TIAM1: variants seen among roughly 807,000 people sequenced by gnomAD.
TIAM1 encodes TIAM Rac1 associated GEF 1.
A neutral mutation model predicts 163.5 loss-of-function variants in TIAM1; 65 were observed. The observed-to-expected ratio is 0.40, with a 90% CI of 0.33 to 0.49. The LOEUF (loss-of-function observed/expected upper bound fraction) is 0.49, where lower values mean the gene tolerates loss of function less well. Ranked by LOEUF, TIAM1 falls within the 20% of genes least tolerant of loss-of-function variation. The pLI, the probability that TIAM1 is intolerant of heterozygous loss-of-function variation, is 0.77. For missense variants in TIAM1, 1,789 were observed against 2,044.7 expected (o/e 0.87, Z 2.41); for synonymous variants, 833 against 810.1 (o/e 1.03, Z -0.48).
intron 2 of TIAM1, among the ~76,000 whole-genome samples, chr21:31,442,047 C>A (rs2044436263): frequency 1.7e-5 from 1 of 58,894 alleles, no homozygotes; most frequent in Non-Finnish European, 3.2e-5. Context: ...TGAAATGAGA[C>A]CCTATCTCAG....
At chr21:31,496,141 A>T (rs2046632833) in intron 1 of TIAM1, among the ~76,000 whole-genome samples, 3 of 152,176 alleles carry the variant, frequency 2.0e-5, no homozygotes, top group African/African-American at 2.4e-5. Context: ...AAAGTTAAAA[A>T]AATAAAATAA....
chr21:31,257,793 T>C (rs2072199732), intron 4 of TIAM1, among the ~76,000 whole-genome samples: 1 of 151,896 alleles, frequency 6.6e-6, no homozygotes, highest in Non-Finnish European at 1.5e-5. Flanking sequence ...TCCCAACCTT[T>C]CTCACTCCCA....
intron 2 of TIAM1, among the ~76,000 whole-genome samples, chr21:31,412,164 T>G (rs1756522127): frequency 6.6e-6 from 1 of 152,212 alleles, no homozygotes. Context: ...GCCGTTATCT[T>G]AAGTCAGACA....
At chr21:31,485,446 C>CA (rs1266647219) in intron 1 of TIAM1, among the ~76,000 whole-genome samples, 1 of 151,984 alleles carries the variant, frequency 6.6e-6, no homozygotes, top group Non-Finnish European at 1.5e-5. Context: ...CATTCCGAGA[C>CA]AAAAAAATGA....
At chr21:31,375,541 G>T (rs1392240090) in intron 2 of TIAM1, among the ~76,000 whole-genome samples, 1 of 107,112 alleles carries the variant, frequency 9.3e-6, no homozygotes, top group Non-Finnish European at 1.8e-5. Flanking sequence ...ATATAGAAAA[G>T]GAAAAATCAA....
chr21:31,154,470 T>G (rs775796059), intron 16 of TIAM1, 44 bp from the exon 17 acceptor site: 1 of 1,585,728 alleles, frequency 6.3e-7, no homozygotes. Flanking sequence ...TCATTATCCC[T>G]CATTAGACGC....
intron 1 of TIAM1, among the ~76,000 whole-genome samples, chr21:31,522,062 A>G (rs539571334): frequency 1.3e-4 from 19 of 151,740 alleles, no homozygotes; most frequent in African/African-American, 2.7e-4. Context: ...TAGTAGAGAC[A>G]GGGTTTCACC....
rs529371547 is a variant in TIAM1, at chr21:31,447,263, A to G, written c.-369+16720T>C. Among the ~76,000 whole-genome samples, 19 of 152,194 alleles carry G rather than the reference A, an allele frequency of 1.2e-4. No homozygotes were observed. In the South Asian group the frequency reaches 3.1e-3, roughly 25 times the overall value. On this transcript the variant is annotated intron_variant, in intron 2 of 28. Transcript: ENST00000286827. ...TCTTTATTTTACTATAGCTGGTAGC[A>G]ACTGGGAAAAAAATTTTTTTTTAAT...
chr21:31,435,425 C>T (rs2044177438), intron 2 of TIAM1, among the ~76,000 whole-genome samples: 1 of 152,002 alleles, frequency 6.6e-6, no homozygotes, highest in Admixed American at 6.6e-5. Flanking sequence ...TAATTAATTC[C>T]AGGAAATTGA....
intron 2 of TIAM1, among the ~76,000 whole-genome samples, chr21:31,369,240 A>G (rs2076553961): frequency 6.7e-6 from 1 of 149,342 alleles, no homozygotes; most frequent in Non-Finnish European, 1.5e-5. Flanking sequence ...AAAAAGAAAG[A>G]AAGAAAGAAA....
intron 12 of TIAM1, among the ~76,000 whole-genome samples, chr21:31,196,154 T>C (rs117697294): frequency 6.6e-6 from 1 of 152,072 alleles, no homozygotes; most frequent in Non-Finnish European, 1.5e-5. Context: ...CCAATAAATA[T>C]ATGAAAAAAT....
chr21:31,282,891 C>T (rs1253253505), intron 2 of TIAM1, among the ~76,000 whole-genome samples: 1 of 152,294 alleles, frequency 6.6e-6, no homozygotes, highest in Non-Finnish European at 1.5e-5. Flanking sequence ...ATGTTACTTC[C>T]TAATGTATCC....
intron 1 of TIAM1, among the ~76,000 whole-genome samples, chr21:31,529,171 G>A (rs1347815617): frequency 2.6e-5 from 4 of 151,584 alleles, no homozygotes; most frequent in South Asian, 4.2e-4. Context: ...TGCCCACCTC[G>A]GCCTCCCAAA....
chr21:31,202,864 A>C, intron 12 of TIAM1, 44 bp downstream of exon 12: 1 of 1,530,668 alleles, frequency 6.5e-7, no homozygotes, highest in Non-Finnish European at 9.0e-7. Context: ...TAATTTGAAG[A>C]TAATCTCCCA....
intron 2 of TIAM1, among the ~76,000 whole-genome samples, chr21:31,277,208 A>G (rs766240274): frequency 2.0e-5 from 3 of 152,230 alleles, no homozygotes; most frequent in Non-Finnish European, 1.5e-5. Context: ...AACAGATTGC[A>G]GTAAAGAAGT....
At chr21:31,378,885 G>A (rs1309349748) in intron 2 of TIAM1, among the ~76,000 whole-genome samples, 1 of 152,092 alleles carries the variant, frequency 6.6e-6, no homozygotes, top group Non-Finnish European at 1.5e-5. Context: ...CATTGCATTA[G>A]GTATTATAAG....
Position 31,166,847 on chromosome 21 carries a change from C to T in TIAM1, c.2888-1782G>A, listed in dbSNP as rs530659218. On this transcript the variant is annotated intron_variant, in intron 15 of 27. Coordinates refer to ENST00000541036, the MANE Select transcript of TIAM1 (RefSeq NM_001353694.2). Reference sequence around the variant, plus strand: ...AGCTCATCTGGGAACACAATGGCAACAGCACTCAGTGCTCTGATCACAGGA... The same window carrying T: ...AGCTCATCTGGGAACACAATGGCAATAGCACTCAGTGCTCTGATCACAGGA... Among the ~76,000 whole-genome samples, 272 of 152,288 alleles carry T rather than the reference C, an allele frequency of 1.8e-3. 1 individual carries two copies. Among genetic ancestry groups the T allele is most frequent in the Non-Finnish European group, 3.4e-3 (228 of 68,028 alleles).
At chr21:31,412,900 C>T (rs2043249602) in intron 2 of TIAM1, among the ~76,000 whole-genome samples, 1 of 151,812 alleles carries the variant, frequency 6.6e-6, no homozygotes, top group Non-Finnish European at 1.5e-5. Flanking sequence ...TGACAGGAGG[C>T]AGAGCTCAGG....
intron 2 of TIAM1, among the ~76,000 whole-genome samples, chr21:31,289,403 T>C (rs1569167881): frequency 6.6e-6 from 1 of 152,216 alleles, no homozygotes; most frequent in Non-Finnish European, 1.5e-5. Context: ...TTTCTTTAAC[T>C]TTCTCAAGTC....
Sources: gnomAD v4.1 joint callset for allele counts (sites outside exome capture counted in the v4.1 genomes callset) on GRCh38, gnomAD v4.1.1 for gene constraint, MANE v1.5 for transcripts, NCBI Gene and HGNC (gene_info 2026-07-23, HGNC 2026-07-21) for gene names.